Variants in SEMA3A observed in about 807,000 individuals in gnomAD.
SEMA3A encodes semaphorin-3A.
SEMA3A carries 29 observed loss-of-function variants against 97.9 expected under a neutral mutation model. That is an observed-to-expected ratio of 0.30 (90% CI 0.22 to 0.40). The LOEUF (loss-of-function observed/expected upper bound fraction) is 0.40, where lower values mean the gene tolerates loss of function less well. SEMA3A is among the 10% of genes least tolerant of loss of function. SEMA3A has a pLI of 1.00. For missense variants in SEMA3A, 763 were observed against 951.3 expected (o/e 0.80, Z 2.60); for synonymous variants, 321 against 323.7 (o/e 0.99, Z 0.09).
At chr7:83,978,413 C>T (rs1219075977) in intron 14 of SEMA3A, among the ~76,000 whole-genome samples, 1 of 152,058 alleles carries the variant, frequency 6.6e-6, no homozygotes, top group African/African-American at 2.4e-5. Context: ...AGGCTGTAGT[C>T]ACTGCGGTGC....
intron 2 of SEMA3A, among the ~76,000 whole-genome samples, chr7:84,370,630 T>C (rs1802950983): frequency 6.6e-6 from 1 of 151,854 alleles, no homozygotes; most frequent in African/African-American, 2.4e-5. Flanking sequence ...TTTATAAATA[T>C]TTACCTTTTC....
At chr7:84,190,784 A>T (rs1214547846) in intron 1 of SEMA3A, among the ~76,000 whole-genome samples, 1 of 149,538 alleles carries the variant, frequency 6.7e-6, no homozygotes, top group East Asian at 1.9e-4. Flanking sequence ...ATTTTAAACC[A>T]ACAATTTACG....
intron 4 of SEMA3A, among the ~76,000 whole-genome samples, chr7:84,108,924 A>G (rs1795197802): frequency 6.6e-6 from 1 of 151,678 alleles, no homozygotes; most frequent in African/African-American, 2.4e-5. Flanking sequence ...AAAAAAAAAA[A>G]AAAGGTCAGC....
intron 3 of SEMA3A, among the ~76,000 whole-genome samples, chr7:84,112,430 C>G (rs962736274): frequency 5.3e-5 from 8 of 152,112 alleles, no homozygotes; most frequent in Non-Finnish European, 7.4e-5. Context: ...GATATGCATG[C>G]AATTTTTTCC....
intron 6 of SEMA3A, among the ~76,000 whole-genome samples, chr7:84,042,971 C>T (rs114426355): frequency 0.026 from 3,905 of 152,024 alleles, 171 homozygotes; most frequent in African/African-American, 0.089. Context: ...AACAATTTTA[C>T]TTTATTTCCA....
intron 2 of SEMA3A, among the ~76,000 whole-genome samples, chr7:84,328,632 A>G (rs1801831263): frequency 6.6e-6 from 1 of 152,052 alleles, no homozygotes; most frequent in Non-Finnish European, 1.5e-5. Context: ...CCTATGGTAA[A>G]TTTATACAGA....
chr7:84,204,213 A>G (rs1429112505), intron 3 of SEMA3A, among the ~76,000 whole-genome samples: 1 of 152,182 alleles, frequency 6.6e-6, no homozygotes. Context: ...ACTCTCAAGA[A>G]ATAAAGCACC....
chr7:84,061,672 A>G (rs1476311960), intron 4 of SEMA3A, among the ~76,000 whole-genome samples: 1 of 152,084 alleles, frequency 6.6e-6, no homozygotes, highest in Non-Finnish European at 1.5e-5. Flanking sequence ...TTAACATTTA[A>G]TATTTCTGAT....
At position 84,021,503 on chromosome 7, in the gene SEMA3A, T is replaced by A. The variant is rs1178461276; in HGVS notation, c.668-7152A>T. 3.9e-5 allele frequency among the ~76,000 whole-genome samples: 6 copies of A among 152,298 alleles called. 1 individual carries two copies. Among genetic ancestry groups the A allele is most frequent in the Admixed American group, 3.9e-4 (6 of 15,298 alleles). On this transcript the variant is annotated intron_variant, in intron 6 of 16. Transcript: ENST00000265362. ...TCTCCTGGCAGTCACATTCACTCTG[T>A]TTTTTCCCTGCCTCCGGCCTTACCA... is the stretch of plus-strand genomic sequence containing the variant.
chr7:84,389,220 A>G lies in SEMA3A; in HGVS notation c.-245-17320T>C, dbSNP rs192536370. 1.5e-4 allele frequency among the ~76,000 whole-genome samples: 23 copies of G among 152,164 alleles called. 1 individual carries two copies. Among genetic ancestry groups the G allele is most frequent in the Admixed American group, 1.2e-3 (18 of 15,274 alleles). ...ATAAAAATGGAGTCAAAGTTTATTT[A>G]AGCTTTGACCTTCTAGATATATTGG... On this transcript the variant is annotated intron_variant, in intron 1 of 3. Coordinates refer to the SEMA3A transcript ENST00000424555.
chr7:84,362,862 G>T (rs1286160480), intron 2 of SEMA3A, among the ~76,000 whole-genome samples: 2 of 151,930 alleles, frequency 1.3e-5, no homozygotes, highest in Non-Finnish European at 2.9e-5. Context: ...CTCCACAGTA[G>T]GACTGAGTAG....
chr7:84,062,629 TC>T (rs1486643720), intron 4 of SEMA3A, among the ~76,000 whole-genome samples: 1 of 152,126 alleles, frequency 6.6e-6, no homozygotes, highest in Non-Finnish European at 1.5e-5. Flanking sequence ...GTCAGGGAGT[TC>T]CCTTTCTGAG....
intron 4 of SEMA3A, among the ~76,000 whole-genome samples, chr7:84,070,171 T>G (rs10243933): frequency 0.11 from 17,105 of 152,202 alleles, 1,943 homozygotes; most frequent in African/African-American, 0.29. Flanking sequence ...TTAGCTATAC[T>G]GATTCTAATT....
chr7:84,201,001 CT>C (rs1038642991), intron 3 of SEMA3A, among the ~76,000 whole-genome samples: 11 of 151,796 alleles, frequency 7.2e-5, no homozygotes, highest in African/African-American at 2.7e-4. Flanking sequence ...TAGCTGTTTG[CT>C]TTCAGTAAAG....
intron 3 of SEMA3A, among the ~76,000 whole-genome samples, chr7:84,280,185 C>A (rs1800406237): frequency 6.6e-6 from 1 of 152,136 alleles, no homozygotes; most frequent in Admixed American, 6.6e-5. Context: ...ATGTGAGACA[C>A]TGCACCAAGC....
chr7:84,143,936 CTCTCTCTCTCTCTA>C (rs1796380915), intron 1 of SEMA3A, among the ~76,000 whole-genome samples: 1 of 142,220 alleles, frequency 7.0e-6, no homozygotes, highest in Non-Finnish European at 1.5e-5. Context: ...CTCTCTCTCT[CTCTCTCTCTCTCTA>C]ACACACACAC....
intron 12 of SEMA3A, among the ~76,000 whole-genome samples, chr7:83,996,329 G>A (rs1389863360): frequency 8.5e-6 from 1 of 118,314 alleles, no homozygotes; most frequent in Non-Finnish European, 1.6e-5. Flanking sequence ...TTGAGATGTA[G>A]TCTCCCTCTG....
intron 15 of SEMA3A, among the ~76,000 whole-genome samples, chr7:83,971,373 A>G (rs1788904889): frequency 6.6e-6 from 1 of 151,582 alleles, no homozygotes; most frequent in Non-Finnish European, 1.5e-5. Context: ...CAGAGGTTGC[A>G]TTTTGCAGAG....
chr7:83,967,102 A>G (rs1231060651), intron 15 of SEMA3A, among the ~76,000 whole-genome samples: 1 of 152,194 alleles, frequency 6.6e-6, no homozygotes, highest in South Asian at 2.1e-4. Flanking sequence ...TAGGAACAGA[A>G]CTTTTATTTA....
Sources: gnomAD v4.1 joint callset for allele counts (sites outside exome capture counted in the v4.1 genomes callset) on GRCh38, gnomAD v4.1.1 for gene constraint, MANE v1.5 for transcripts, NCBI Gene and HGNC (gene_info 2026-07-23, HGNC 2026-07-21) for gene names.